The following MTRR variants were observed in gnomAD, a reference collection of about 807,000 sequenced individuals.
MTRR encodes methionine synthase reductase.
Under a neutral mutation model 79.2 loss-of-function variants are expected in MTRR, and 63 were observed. The ratio of observed to expected loss-of-function variants is 0.80; its 90% CI spans 0.65 to 0.98. The LOEUF (loss-of-function observed/expected upper bound fraction) is 0.98, where lower values mean the gene tolerates loss of function less well. Ranked by LOEUF, MTRR falls within the 50% of genes least tolerant of loss-of-function variation. The pLI, the probability that MTRR is intolerant of heterozygous loss-of-function variation, is 0.00. For synonymous variants in MTRR, 355 were observed against 313.3 expected, an observed-to-expected ratio of 1.13 and a Z score of -1.41; for missense variants, 895 against 839.6, an observed-to-expected ratio of 1.07 and a Z score of -0.82.
intron 8 of MTRR, among the ~76,000 whole-genome samples, chr5:7,887,792 G>GAATATATATATA (rs1491278202): frequency 3.8e-5 from 1 of 25,996 alleles, no homozygotes; most frequent in Non-Finnish European, 7.3e-5. Flanking sequence ...GTGTGTGTGT[G>GAATATATATATA]CATATATATA....
At chr5:7,872,395 C>G in intron 2 of MTRR, 1 of 317,492 alleles carries the variant, frequency 3.1e-6, no homozygotes, top group Non-Finnish European at 6.2e-6. Context: ...TATAGCTCAG[C>G]TTATAGCTAA....
At chr5:7,876,410 G>A (rs1223971084) in intron 4 of MTRR, among the ~76,000 whole-genome samples, 1 of 152,200 alleles carries the variant, frequency 6.6e-6, no homozygotes, top group Non-Finnish European at 1.5e-5. Context: ...TGTAATGCTT[G>A]TGTCATCCAT....
rs374979929 is a variant in MTRR, at chr5:7,889,144, G to A, written c.1196G>A (p.Arg399His). ...VDYTSDSAEK[R>H]RLQELCSKQG... is the part of the protein sequence containing the mutation. ...TATACCAGTGACAGTGCTGAAAAGC[G>A]CAGGCTACAGGAGCTGTGCAGTAAA... The change falls in exon 9 of 15, where the codon CGC becomes CAC. Residue 399 changes from arginine (R) to histidine (H), a missense_variant. Transcript: ENST00000440940. 3.7e-6 allele frequency: 6 copies of A among 1,613,996 alleles called. No homozygotes were observed. Among genetic ancestry groups the A allele is most frequent in the African/African-American group, 1.3e-5 (1 of 74,912 alleles).
At chr5:7,894,753 A>G (rs547196242) in intron 11 of MTRR, among the ~76,000 whole-genome samples, 2 of 152,336 alleles carry the variant, frequency 1.3e-5, no homozygotes, top group African/African-American at 2.4e-5. Flanking sequence ...TTCTGTGGAT[A>G]TATGTGATAA....
intron 4 of MTRR, among the ~76,000 whole-genome samples, chr5:7,877,016 T>C (rs935991370): frequency 1.3e-5 from 2 of 152,216 alleles, no homozygotes; most frequent in African/African-American, 4.8e-5. Flanking sequence ...TGTAACCACA[T>C]TTTGAGTAGT....
At chr5:7,867,385 A>C (rs772872078), upstream of MTRR, 8 of 1,614,204 alleles carry the variant, frequency 5.0e-6, no homozygotes, top group Non-Finnish European at 6.8e-6. Flanking sequence ...CTAGTGTCAC[A>C]CAACCTGAAC....
chr5:7,859,450 A>C (rs1450820582), intron 1 of MTRR: 7 of 1,601,424 alleles, frequency 4.4e-6, no homozygotes, highest in Non-Finnish European at 6.0e-6. Context: ...CTTGCAACCA[A>C]TGAACAGTGT....
At chr5:7,875,202 T>C (rs1748669583) in intron 3 of MTRR, 56 bp from the exon 4 acceptor site, 2 of 1,160,362 alleles carry the variant, frequency 1.7e-6, no homozygotes, top group Non-Finnish European at 2.6e-6. Context: ...TACCTAGTCT[T>C]TGTGTCCTTA....
At chr5:7,895,954 A>C in intron 12 of MTRR, 102 bp downstream of exon 12, 1 of 1,417,436 alleles carries the variant, frequency 7.1e-7, no homozygotes, top group Non-Finnish European at 9.7e-7. Flanking sequence ...ATTTTTATTT[A>C]AAAAATTATT....
Position 7,897,091 on chromosome 5 carries a change from A to G in MTRR, c.1796A>G (p.His599Arg), listed in dbSNP as rs777801608. Residue 599 changes from histidine to arginine, a missense_variant, in exon 14 of 15, where the codon CAT becomes CGT. By Grantham distance (29) the His-to-Arg change is conservative. Coordinates refer to ENST00000440940, the MANE Select transcript of MTRR (RefSeq NM_002454.3). Reference sequence around the variant, plus strand: ...AAAGAGCTCAGACATTTCCTTAAGCATGGGATCTTAACTCATCTAAAGGTT... The same window carrying G: ...AAAGAGCTCAGACATTTCCTTAAGCGTGGGATCTTAACTCATCTAAAGGTT... ...FRKELRHFLK[H>R]GILTHLKVSF... 6 of 1,614,188 alleles carry G rather than the reference A, an allele frequency of 3.7e-6. No homozygotes were observed. Among genetic ancestry groups the G allele is most frequent in the Non-Finnish European group, 4.2e-6 (5 of 1,180,022 alleles).
intron 2 of MTRR, among the ~76,000 whole-genome samples, chr5:7,863,723 A>G (rs1351818282): frequency 6.6e-6 from 1 of 152,254 alleles, no homozygotes; most frequent in Non-Finnish European, 1.5e-5. Flanking sequence ...AAATAACTAA[A>G]TTAAACTTCT....
At chr5:7,851,946 C>G (rs988221873) in intron 1 of MTRR, among the ~76,000 whole-genome samples, 2 of 152,232 alleles carry the variant, frequency 1.3e-5, no homozygotes, top group African/African-American at 4.8e-5. Flanking sequence ...CTGGGAAGGC[C>G]AGCCTTGCTG....
At chr5:7,852,213 A>G (rs1441483849) in intron 1 of MTRR, among the ~76,000 whole-genome samples, 1 of 152,158 alleles carries the variant, frequency 6.6e-6, no homozygotes, top group Non-Finnish European at 1.5e-5. Context: ...CATCCCTGCA[A>G]CTAGGTAGGA....
chr5:7,896,824 C>A, intron 12 of MTRR, 40 bp from the exon 13 acceptor site: 2 of 1,522,442 alleles, frequency 1.3e-6, no homozygotes, highest in Non-Finnish European at 1.8e-6. Flanking sequence ...TTTACATATT[C>A]TTTATATCAC....
At position 7,900,207 on chromosome 5, in the gene MTRR, A is replaced by G. The variant is rs1739261618; in HGVS notation, c.*149A>G. 8.0e-6 allele frequency: 7 copies of G among 872,914 alleles called. No homozygotes were observed. The highest frequency in any genetic ancestry group is 2.8e-5 in the Admixed American group (1 of 35,926). The allele number at this position is 872,914 out of a possible 1,614,324, so 54.1% of individuals were successfully genotyped here. ...GGAGTGGAGATTGGATCATTTAACA[A>G]TATAACAAAACTTCCTGATTTGATT... is the stretch of plus-strand genomic sequence containing the variant. On this transcript the variant is annotated 3_prime_UTR_variant, in exon 15 of 15. Transcript: ENST00000440940.
chr5:7,875,126 T>C, intron 3 of MTRR, 132 bp from the exon 4 acceptor site: 1 of 726,820 alleles, frequency 1.4e-6, no homozygotes, highest in East Asian at 2.6e-5. Flanking sequence ...GAAAATAAAA[T>C]GTGAAGCTCT....
rs747426239 is a variant in MTRR, at chr5:7,870,857, A to C, written c.63A>C (p.Glu21Asp). 2.0e-5 allele frequency: 32 copies of C among 1,614,088 alleles called. No individual in the cohort carries two copies. The highest frequency in any genetic ancestry group is 2.5e-5 in the Non-Finnish European group (30 of 1,180,032). The stretch of plus-strand genomic sequence containing the variant: ...GACAGGCAAAGGCCATCGCAGAAGA[A>C]ATATGTGAGCAAGCTGTGGTACATG... The part of the protein sequence containing the change: ...QQGQAKAIAE[E>D]ICEQAVVHGF... The change falls in exon 2 of 15, where the codon GAA becomes GAC. Residue 21 changes from glutamate to aspartate, a missense_variant. Physicochemically the swap from Glu to Asp is conservative, Grantham distance 45 (BLOSUM62 2). Transcript: ENST00000440940.
chr5:7,882,899 A>G (rs1358361424), intron 5 of MTRR, among the ~76,000 whole-genome samples: 1 of 152,238 alleles, frequency 6.6e-6, no homozygotes, highest in African/African-American at 2.4e-5. Flanking sequence ...AGATCTTTAC[A>G]TGAACATGCC....
intron 2 of MTRR, 86 bp downstream of exon 2, chr5:7,871,009 A>T: frequency 7.0e-7 from 1 of 1,438,376 alleles, no homozygotes; most frequent in Non-Finnish European, 9.8e-7. Flanking sequence ...AAAGGACACT[A>T]ATACCACCAC....
Sources: gnomAD v4.1 joint callset for allele counts (sites outside exome capture counted in the v4.1 genomes callset) on GRCh38, gnomAD v4.1.1 for gene constraint, MANE v1.5 for transcripts, NCBI Gene and HGNC (gene_info 2026-07-23, HGNC 2026-07-21) for gene names.